NNT: variants seen among roughly 807,000 people sequenced by gnomAD.
NNT encodes NAD(P) transhydrogenase, mitochondrial.
NNT carries 50 observed loss-of-function variants against 104.8 expected under a neutral mutation model. The ratio of observed to expected loss-of-function variants is 0.48; its 90% CI spans 0.38 to 0.60. NNT has a LOEUF of 0.60. Among genes scored for constraint, NNT ranks in the 20% least tolerant of loss-of-function variants. NNT has a pLI of 0.00. For synonymous variants in NNT, 461 were observed against 490.4 expected (o/e 0.94, Z 0.79); for missense variants, 1,131 against 1,330.7 (o/e 0.85, Z 2.33).
At chr5:43,645,702 TATA>T (rs1561286632) in intron 10 of NNT, 192 bp downstream of exon 10, 22 of 109,262 alleles carry the variant, frequency 2.0e-4, no homozygotes, top group African/African-American at 8.4e-4. Flanking sequence ...TATATATATA[TATA>T]TATATTTTTT....
chr5:43,694,303 C>T (rs1742441294), intron 19 of NNT, among the ~76,000 whole-genome samples: 1 of 152,194 alleles, frequency 6.6e-6, no homozygotes. Context: ...CTGGCAAAGA[C>T]TCTCAGATTG....
chr5:43,667,652 T>C (rs1404755360), intron 17 of NNT, among the ~76,000 whole-genome samples: 4 of 152,242 alleles, frequency 2.6e-5, no homozygotes, highest in Non-Finnish European at 5.9e-5. Context: ...CACATTTTCT[T>C]AATCCAGTCT....
chr5:43,680,989 G>A (rs991777454), intron 19 of NNT, among the ~76,000 whole-genome samples: 5 of 151,992 alleles, frequency 3.3e-5, no homozygotes, highest in Non-Finnish European at 7.4e-5. Flanking sequence ...ATTAGGGAGG[G>A]GTAGAATATG....
intron 19 of NNT, among the ~76,000 whole-genome samples, chr5:43,689,500 A>G (rs1193058875): frequency 6.6e-6 from 1 of 152,074 alleles, no homozygotes; most frequent in Non-Finnish European, 1.5e-5. Flanking sequence ...TTCTCATATT[A>G]TCTTATAGAA....
intron 6 of NNT, 61 bp downstream of exon 6, chr5:43,624,181 T>G (rs1448957881): frequency 7.0e-7 from 1 of 1,428,962 alleles, no homozygotes; most frequent in Non-Finnish European, 9.9e-7. Flanking sequence ...GGGCATATTA[T>G]GATTGCCTTA....
chr5:43,631,079 T>C (rs1175024046), intron 7 of NNT, among the ~76,000 whole-genome samples: 2 of 152,226 alleles, frequency 1.3e-5, no homozygotes, highest in Admixed American at 1.3e-4. Flanking sequence ...TTTTTCTTTC[T>C]GTCCTCTGTT....
At chr5:43,650,308 T>G (rs1739687242) in intron 11 of NNT, among the ~76,000 whole-genome samples, 169 bp from the exon 12 acceptor site, 1 of 152,230 alleles carries the variant, frequency 6.6e-6, no homozygotes. Context: ...ACAGTCTGCA[T>G]AAGCAAAATT....
At chr5:43,698,341 TG>T (rs1173289695) in intron 19 of NNT, among the ~76,000 whole-genome samples, 1 of 152,036 alleles carries the variant, frequency 6.6e-6, no homozygotes, top group Admixed American at 6.6e-5. Context: ...TTACCATGCC[TG>T]TGTGGGTTTT....
chr5:43,614,824 C>G (rs1258054310), intron 3 of NNT, among the ~76,000 whole-genome samples: 1 of 152,200 alleles, frequency 6.6e-6, no homozygotes, highest in Non-Finnish European at 1.5e-5. Flanking sequence ...ATTTAAAATA[C>G]AGTTTTAAAA....
At chr5:43,626,145 G>A (rs1376465258) in intron 6 of NNT, among the ~76,000 whole-genome samples, 1 of 151,610 alleles carries the variant, frequency 6.6e-6, no homozygotes, top group Non-Finnish European at 1.5e-5. Flanking sequence ...GGTTCAACCA[G>A]ATCAAAAATA....
chr5:43,694,925 A>T (rs1423464291), intron 19 of NNT, among the ~76,000 whole-genome samples: 2 of 152,104 alleles, frequency 1.3e-5, no homozygotes, highest in Non-Finnish European at 1.5e-5. Flanking sequence ...CTGTCAATTC[A>T]TCAGGTCCTG....
rs776467105 is a variant in NNT at position 43,609,227 on chromosome 5, G to A, written c.32G>A (p.Gly11Asp). Residue 11 changes from glycine to aspartate, a missense_variant, in exon 2 of 22, where the codon GGC (glycine) becomes GAC (aspartate). By Grantham distance (94) the Gly-to-Asp change is moderately conservative. Coordinates refer to ENST00000344920, the MANE Select transcript of NNT (RefSeq NM_182977.3). Reference sequence around the variant, plus strand: ...AACCTATTGAAAACAGTGGTGACTGGCTGCTCGTGTCCTCTACTTAGCAAT... The same window carrying A: ...AACCTATTGAAAACAGTGGTGACTGACTGCTCGTGTCCTCTACTTAGCAAT... MANLLKTVVT[G>D]CSCPLLSNLG... 6.2e-7 allele frequency: 1 copy of A among 1,613,970 alleles called. No individual in the cohort carries two copies. The highest frequency in any genetic ancestry group is 2.2e-5 in the East Asian group (1 of 44,874).
intron 17 of NNT, among the ~76,000 whole-genome samples, chr5:43,662,416 A>G (rs1740418719): frequency 6.6e-6 from 1 of 151,778 alleles, no homozygotes; most frequent in Admixed American, 6.6e-5. Context: ...TAGGTCTTCT[A>G]TTTCTTTTCT....
At chr5:43,604,163 C>T (rs1370388825) in intron 1 of NNT, among the ~76,000 whole-genome samples, 1 of 152,144 alleles carries the variant, frequency 6.6e-6, no homozygotes, top group African/African-American at 2.4e-5. Flanking sequence ...TGGTATGTCT[C>T]GCTTTTAAAA....
chr5:43,657,451 G>A (rs1011576308), intron 16 of NNT, among the ~76,000 whole-genome samples: 2 of 152,102 alleles, frequency 1.3e-5, no homozygotes, highest in African/African-American at 4.8e-5. Context: ...GCTATTTACT[G>A]TTATTCACTG....
chr5:43,663,948 T>C (rs940943721), intron 17 of NNT, among the ~76,000 whole-genome samples: 3 of 152,234 alleles, frequency 2.0e-5, no homozygotes, highest in Non-Finnish European at 4.4e-5. Context: ...ATAGCAGATA[T>C]AGCAGAGTTA....
intron 4 of NNT, among the ~76,000 whole-genome samples, chr5:43,617,163 A>T (rs1335163125): frequency 6.6e-6 from 1 of 152,224 alleles, no homozygotes; most frequent in Non-Finnish European, 1.5e-5. Flanking sequence ...TATCTAGAAA[A>T]TGTATAATGT....
intron 7 of NNT, among the ~76,000 whole-genome samples, chr5:43,634,717 C>T (rs1037446786): frequency 6.6e-6 from 1 of 152,102 alleles, no homozygotes; most frequent in Admixed American, 6.6e-5. Context: ...TAACCACAGG[C>T]TGTCTACACA....
intron 20 of NNT, 66 bp downstream of exon 20, chr5:43,700,303 G>A: frequency 8.8e-7 from 1 of 1,142,022 alleles, no homozygotes; most frequent in East Asian, 2.4e-5. Flanking sequence ...GCAGGTGTGG[G>A]ATATGAATTG....
Sources: allele counts gnomAD v4.1 joint callset (sites outside exome capture counted in the v4.1 genomes callset), GRCh38; gene constraint gnomAD v4.1.1; transcripts MANE v1.5; gene names NCBI Gene and HGNC (gene_info 2026-07-23, HGNC 2026-07-21).